HMGCLL1: variants seen among roughly 807,000 people sequenced by gnomAD.
HMGCLL1 encodes the protein 3-hydroxymethyl-3-methylglutaryl-CoA lyase, cytoplasmic.
A neutral mutation model predicts 39.1 loss-of-function variants in HMGCLL1; 36 were observed. The observed-to-expected ratio is 0.92, with a 90% confidence interval of 0.71 to 1.22. The LOEUF (loss-of-function observed/expected upper bound fraction) is 1.22, where lower values mean the gene tolerates loss of function less well. Among genes scored for constraint, HMGCLL1 ranks in the 50% most tolerant of loss-of-function variants. The pLI is 0.00. For missense variants in HMGCLL1, 451 were observed against 416.5 expected (o/e 1.08, Z -0.72); for synonymous variants, 149 against 144.0 (o/e 1.03, Z -0.25).
chr6:55,465,212 T>A (rs2127399157), intron 7 of HMGCLL1, among the ~76,000 whole-genome samples: 1 of 152,290 alleles, frequency 6.6e-6, no homozygotes, highest in African/African-American at 2.4e-5. Context: ...TGTATTTTTC[T>A]CTTATGTTTG....
chr6:55,540,036 GGGAGGGAGGGAGGGAA>G lies in HMGCLL1; in HGVS notation c.297+1677_297+1692del, dbSNP rs1561947249. On this transcript the variant is annotated intron_variant, in intron 3 of 8. Transcript: ENST00000274901. ...AGGGAGGGAGGGAGGGAGGGAGGGA[GGGAGGGAGGGAGGGAA>G]GGAAGCAAAGGAGGGAAGGGAAGGA... 6.1e-3 allele frequency among the ~76,000 whole-genome samples: 451 copies of G among 73,850 alleles called. 8 individuals carry two copies. Among genetic ancestry groups the G allele is most frequent in the Non-Finnish European group, 9.4e-3 (343 of 36,556 alleles). The allele number at this position is 73,850 out of a possible 152,430, so 48.4% of individuals were successfully genotyped here.
intron 7 of HMGCLL1, among the ~76,000 whole-genome samples, chr6:55,445,564 T>C (rs187169864): frequency 3.7e-4 from 57 of 152,044 alleles, no homozygotes; most frequent in Non-Finnish European, 7.8e-4. Context: ...TGAGAGACTT[T>C]CGGCATTAAA....
chr6:55,505,860 T>C (rs1340175106), intron 5 of HMGCLL1, among the ~76,000 whole-genome samples: 1 of 151,670 alleles, frequency 6.6e-6, no homozygotes, highest in African/African-American at 2.4e-5. Flanking sequence ...TTAAAGAAAA[T>C]GGCATAACCT....
intron 7 of HMGCLL1, among the ~76,000 whole-genome samples, chr6:55,440,971 T>A (rs2127381205): frequency 1.3e-5 from 2 of 152,302 alleles, no homozygotes; most frequent in Middle Eastern, 3.4e-3. Context: ...CAGTTTTCTC[T>A]ATGGTTAACA....
At chr6:55,658,049 G>A in the HMGCLL1 span, among the ~76,000 whole-genome samples, 1 of 150,890 alleles carries the variant, frequency 6.6e-6, no homozygotes, top group East Asian at 2.0e-4. Context: ...CTTATACCTT[G>A]AACTTAAATA....
chr6:55,535,231 A>T (rs1305144403), intron 3 of HMGCLL1, among the ~76,000 whole-genome samples: 1 of 152,228 alleles, frequency 6.6e-6, no homozygotes, highest in Non-Finnish European at 1.5e-5. Flanking sequence ...TAAGTTGAAA[A>T]ACAGAACGAG....
chr6:55,511,323 T>A (rs150548954), intron 5 of HMGCLL1, among the ~76,000 whole-genome samples: 1 of 152,186 alleles, frequency 6.6e-6, no homozygotes, highest in African/African-American at 2.4e-5. Flanking sequence ...TGGCATGGTA[T>A]CTCTTCACAA....
intron 7 of HMGCLL1, among the ~76,000 whole-genome samples, chr6:55,463,251 C>T (rs889323842): frequency 1.3e-5 from 2 of 151,688 alleles, no homozygotes; most frequent in Non-Finnish European, 2.9e-5. Flanking sequence ...AGGCTGGTCT[C>T]GAACTCCTGA....
chr6:55,472,650 A>G (rs1314021113), intron 7 of HMGCLL1, among the ~76,000 whole-genome samples: 3 of 150,776 alleles, frequency 2.0e-5, no homozygotes, highest in East Asian at 2.0e-4. Flanking sequence ...AAAATTGTGA[A>G]GAGATTACAG....
chr6:55,488,116 T>C (rs1353763073), intron 7 of HMGCLL1, among the ~76,000 whole-genome samples: 1 of 152,136 alleles, frequency 6.6e-6, no homozygotes, highest in East Asian at 1.9e-4. Context: ...ATACAATGTA[T>C]GAAAATAAAA....
chr6:55,559,245 T>C, intron 1 of HMGCLL1, among the ~76,000 whole-genome samples: 1 of 152,110 alleles, frequency 6.6e-6, no homozygotes, highest in East Asian at 1.9e-4. Flanking sequence ...ACAAATATAG[T>C]CCTTTATTTA....
the HMGCLL1 span, among the ~76,000 whole-genome samples, chr6:55,587,430 A>G: frequency 6.6e-6 from 1 of 151,916 alleles, no homozygotes; most frequent in African/African-American, 2.4e-5. Flanking sequence ...CTAAACATGG[A>G]AACGAACAAC....
the HMGCLL1 span, among the ~76,000 whole-genome samples, chr6:55,663,134 T>A: frequency 2.0e-5 from 3 of 151,652 alleles, no homozygotes; most frequent in East Asian, 5.8e-4. Flanking sequence ...AACATACTCC[T>A]GAACTCATTA....
At chr6:55,602,897 A>G in the HMGCLL1 span, among the ~76,000 whole-genome samples, 1 of 152,068 alleles carries the variant, frequency 6.6e-6, no homozygotes, top group Non-Finnish European at 1.5e-5. Context: ...TTCTAAAACA[A>G]TGGTTATCAT....
chr6:55,670,725 T>C, the HMGCLL1 span, among the ~76,000 whole-genome samples: 28 of 151,752 alleles, frequency 1.8e-4, no homozygotes, highest in Admixed American at 3.3e-4. Context: ...AAATTACAAA[T>C]GGAAGGCAGA....
intron 7 of HMGCLL1, among the ~76,000 whole-genome samples, chr6:55,446,472 C>T (rs563032043): frequency 5.6e-4 from 85 of 151,814 alleles, no homozygotes; most frequent in Non-Finnish European, 9.6e-4. Context: ...ATGTGTGCTC[C>T]GTCTACTTGA....
intron 7 of HMGCLL1, among the ~76,000 whole-genome samples, chr6:55,474,297 ATC>A (rs1207423360): frequency 1.3e-5 from 2 of 151,544 alleles, no homozygotes; most frequent in Non-Finnish European, 3.0e-5. Context: ...TTCTCAGACA[ATC>A]TGTTATGAAT....
upstream of HMGCLL1, among the ~76,000 whole-genome samples, chr6:55,580,128 C>T (rs1255921953): frequency 6.6e-6 from 1 of 152,030 alleles, no homozygotes; most frequent in Non-Finnish European, 1.5e-5. Context: ...CAGGAGCCAA[C>T]CGATGCACAC....
At chr6:55,673,040 G>T in the HMGCLL1 span, among the ~76,000 whole-genome samples, 1 of 151,908 alleles carries the variant, frequency 6.6e-6, no homozygotes, top group Non-Finnish European at 1.5e-5. Flanking sequence ...GAAATAAAAA[G>T]AAGTCCCTTA....
Sources: allele counts gnomAD v4.1 joint callset (sites outside exome capture counted in the v4.1 genomes callset), GRCh38; gene constraint gnomAD v4.1.1; transcripts MANE v1.5; gene names NCBI Gene and HGNC (gene_info 2026-07-23, HGNC 2026-07-21).